CDC27: variants seen among roughly 807,000 people sequenced by gnomAD.
CDC27 encodes cell division cycle protein 27 homolog.
In CDC27, 27 loss-of-function variants were observed where a neutral mutation model predicts 109.7. The ratio of observed to expected loss-of-function variants is 0.25; its 90% CI spans 0.18 to 0.34. The LOEUF (loss-of-function observed/expected upper bound fraction) is 0.34, where lower values mean the gene tolerates loss of function less well. Ranked by LOEUF, CDC27 falls within the 10% of genes least tolerant of loss-of-function variation. The pLI is 1.00. For missense variants in CDC27, 579 were observed against 960.2 expected (o/e 0.60, Z 5.25); for synonymous variants, 266 against 333.9 (o/e 0.80, Z 2.22).
intron 9 of CDC27, among the ~76,000 whole-genome samples, chr17:47,145,303 A>G (rs761253109): frequency 1.1e-4 from 16 of 152,234 alleles, no homozygotes; most frequent in Non-Finnish European, 2.4e-4. Flanking sequence ...AAGCCAAAGC[A>G]GCCAGAATTT....
intron 2 of CDC27, among the ~76,000 whole-genome samples, chr17:47,174,958 G>C (rs181120186): frequency 1.4e-5 from 2 of 142,200 alleles, no homozygotes; most frequent in African/African-American, 5.2e-5. Flanking sequence ...GGTCGAAACA[G>C]GACTATCGAA....
intron 1 of CDC27, 72 bp downstream of exon 1, chr17:47,189,074 C>G (rs574435832): frequency 6.5e-7 from 1 of 1,548,910 alleles, no homozygotes; most frequent in African/African-American, 1.4e-5. Context: ...CACCAGGCCG[C>G]GGAGTGGCCC....
chr17:47,184,111 C>T (rs1371314423), intron 1 of CDC27, among the ~76,000 whole-genome samples: 2 of 152,154 alleles, frequency 1.3e-5, no homozygotes, highest in African/African-American at 2.4e-5. Flanking sequence ...TGTTTGGAGA[C>T]GTGCTCAAAT....
intron 15 of CDC27, 143 bp from the exon 16 acceptor site, chr17:47,129,664 G>T: frequency 2.1e-6 from 1 of 468,000 alleles, no homozygotes; most frequent in Non-Finnish European, 3.8e-6. Context: ...GCATTAAGTG[G>T]ATTTAGTAAT....
At position 47,120,800 on chromosome 17, in the gene CDC27, G is replaced by A; in HGVS notation, c.*135C>T. 1 of 638,618 alleles carries A rather than the reference G, an allele frequency of 1.6e-6. No homozygotes were observed. 39.6% of individuals were successfully genotyped at this position (638,618 alleles called of 1,614,324 possible). The stretch of plus-strand genomic sequence containing the variant: ...ATTCTGTATACAGTCAGGGTCCAAT[G>A]AAAGTGGCACACTCATGGTATAAGT... On this transcript the variant is annotated 3_prime_UTR_variant, in exon 19 of 19. Transcript: ENST00000066544.
chr17:47,133,052 C>CAA (rs1555783934), intron 14 of CDC27, among the ~76,000 whole-genome samples: 1 of 70,688 alleles, frequency 1.4e-5, no homozygotes, highest in Non-Finnish European at 2.7e-5. Flanking sequence ...CACACACACA[C>CAA]ACATACATAT....
intron 14 of CDC27, among the ~76,000 whole-genome samples, chr17:47,134,854 G>A (rs1366983754): frequency 6.7e-6 from 1 of 149,562 alleles, no homozygotes; most frequent in Non-Finnish European, 1.5e-5. Flanking sequence ...CAAACTCCTG[G>A]TCTCAAGTAA....
At chr17:47,154,317 T>C (rs1450181100) in intron 8 of CDC27, among the ~76,000 whole-genome samples, 3 of 152,162 alleles carry the variant, frequency 2.0e-5, no homozygotes, top group South Asian at 2.1e-4. Context: ...ATGGCAGACA[T>C]AATTTCTGTT....
In CDC27 at chr17:47,132,319, G is replaced by A; in HGVS notation, c.1969C>T (p.His657Tyr). The A allele has an allele frequency of 6.2e-7, 1 of 1,606,456 alleles. No homozygotes were observed. The highest frequency in any genetic ancestry group is 2.2e-5 in the East Asian group (1 of 44,640). ...TTGATATCAAGCGCTTTTTGGAAAT[G>A]CATTTCTGCAAGGCTGAATTTTTCT... ...KQEKFSLAEM[H>Y]FQKALDINPQ... Residue 657 changes from histidine (H) to tyrosine (Y), a missense_variant, in exon 15 of 19, where the codon CAT (histidine) becomes TAT (tyrosine). His to Tyr is a moderately conservative substitution (Grantham distance 83). Coordinates refer to ENST00000066544, the MANE Select transcript of CDC27 (RefSeq NM_001256.6).
rs567073588 is a variant in CDC27 at position 47,144,771 on chromosome 17, C to T, written c.1071-789G>A. ...TCCTACTAGCTACCTGAGTCTGGGT[C>T]AAAGAATTTCAGAAAATAAAAAGAT... On this transcript the variant is annotated intron_variant, in intron 9 of 18. Transcript: ENST00000066544. Among the ~76,000 whole-genome samples, 10 of 151,970 alleles carry T rather than the reference C, an allele frequency of 6.6e-5. No homozygotes were observed. In the East Asian group the frequency reaches 7.7e-4, roughly 12 times the overall value.
At chr17:47,165,389 C>G (rs574876533) in intron 4 of CDC27, among the ~76,000 whole-genome samples, 59 of 152,302 alleles carry the variant, frequency 3.9e-4, no homozygotes, top group African/African-American at 1.4e-3. Context: ...GCCATTGTAT[C>G]TAATGGTGGT....
At chr17:47,185,266 C>T (rs1215510218) in intron 1 of CDC27, among the ~76,000 whole-genome samples, 1 of 152,098 alleles carries the variant, frequency 6.6e-6, no homozygotes, top group African/African-American at 2.4e-5. Context: ...GCAAGCTCCA[C>T]CTCCTGGGTT....
At chr17:47,136,774 A>G (rs527301622) in intron 14 of CDC27, among the ~76,000 whole-genome samples, 20 of 152,358 alleles carry the variant, frequency 1.3e-4, no homozygotes, top group Admixed American at 7.2e-4. Flanking sequence ...CTATTATCCA[A>G]TAAGTGAATT....
chr17:47,161,292 CTT>C (rs2063491233), intron 4 of CDC27, among the ~76,000 whole-genome samples: 1 of 151,792 alleles, frequency 6.6e-6, no homozygotes, highest in Non-Finnish European at 1.5e-5. Flanking sequence ...CCTGAAATTT[CTT>C]AAATATAATT....
At chr17:47,163,101 A>G (rs2063543042) in intron 4 of CDC27, among the ~76,000 whole-genome samples, 1 of 152,184 alleles carries the variant, frequency 6.6e-6, no homozygotes, top group Non-Finnish European at 1.5e-5. Flanking sequence ...GAAGTTTCCT[A>G]AAGAACTGGC....
chr17:47,157,791 A>C (rs1283298613), intron 5 of CDC27, among the ~76,000 whole-genome samples: 2 of 152,212 alleles, frequency 1.3e-5, no homozygotes, highest in Admixed American at 1.3e-4. Context: ...ATGCTGAAAA[A>C]TGGTCCTTTA....
In CDC27 at chr17:47,132,297, A is replaced by G; in HGVS notation, c.1991T>C (p.Ile664Thr). Residue 664 changes from isoleucine to threonine, a missense_variant, in exon 15 of 19, where the codon ATC becomes ACC. By Grantham distance (89) the Ile-to-Thr change is moderately conservative. Coordinates refer to ENST00000066544, the MANE Select transcript of CDC27 (RefSeq NM_001256.6). ...AEMHFQKALDINPQSSVLLCH... is the reference protein window; with the variant it reads ...AEMHFQKALDTNPQSSVLLCH... ...AAGTAAAACTGAACTTTGAGGGTTGATATCAAGCGCTTTTTGGAAATGCAT... is the reference window on the plus strand; with the variant it reads ...AAGTAAAACTGAACTTTGAGGGTTGGTATCAAGCGCTTTTTGGAAATGCAT... 3.1e-6 allele frequency: 5 copies of G among 1,603,456 alleles called. No homozygotes were observed. Among genetic ancestry groups the G allele is most frequent in the South Asian group, 1.1e-5 (1 of 89,428 alleles).
chr17:47,151,731 A>C (rs2063157035), intron 9 of CDC27, 75 bp downstream of exon 9: 1 of 1,180,174 alleles, frequency 8.5e-7, no homozygotes, highest in Non-Finnish European at 1.2e-6. Flanking sequence ...GAGAGTCACT[A>C]TCTGCCTAAA....
chr17:47,182,599 T>C (rs1598613568), intron 1 of CDC27, among the ~76,000 whole-genome samples: 2 of 152,356 alleles, frequency 1.3e-5, no homozygotes, highest in East Asian at 1.9e-4. Flanking sequence ...AATACAATCA[T>C]ATTGTATACA....
Sources: gnomAD v4.1 joint callset for allele counts (sites outside exome capture counted in the v4.1 genomes callset) on GRCh38, gnomAD v4.1.1 for gene constraint, MANE v1.5 for transcripts, NCBI Gene and HGNC (gene_info 2026-07-23, HGNC 2026-07-21) for gene names.